The following SOX6 variants were observed in gnomAD, a reference collection of about 807,000 sequenced individuals.
The protein encoded by SOX6 is transcription factor SOX-6.
SOX6 carries 11 observed loss-of-function variants against 97.8 expected under a neutral mutation model. That is an observed-to-expected ratio of 0.11 (90% CI 0.07 to 0.19). SOX6 has a LOEUF of 0.19. Among genes scored for constraint, SOX6 ranks in the 10% least tolerant of loss-of-function variants. The pLI is 1.00. For synonymous variants in SOX6, 360 were observed against 371.4 expected, an observed-to-expected ratio of 0.97 and a Z score of 0.35; for missense variants, 810 against 1,039.5, an observed-to-expected ratio of 0.78 and a Z score of 3.04.
chr11:16,573,623 TG>T (rs1847957913), intron 4 of SOX6, among the ~76,000 whole-genome samples: 1 of 152,126 alleles, frequency 6.6e-6, no homozygotes, highest in Non-Finnish European at 1.5e-5. Flanking sequence ...CTATCAATAG[TG>T]GGGAAAAAAC....
chr11:16,100,647 G>A (rs769953097), intron 7 of SOX6, among the ~76,000 whole-genome samples: 1 of 151,176 alleles, frequency 6.6e-6, no homozygotes, highest in Non-Finnish European at 1.5e-5. Flanking sequence ...AAAACTTAAC[G>A]GCAGGAGAAG....
intron 3 of SOX6, among the ~76,000 whole-genome samples, chr11:16,670,446 A>G (rs1022975152): frequency 1.3e-5 from 2 of 152,174 alleles, no homozygotes; most frequent in Non-Finnish European, 2.9e-5. Context: ...GTAGCCCCCA[A>G]GAGCAACTGA....
intron 3 of SOX6, among the ~76,000 whole-genome samples, chr11:16,664,962 C>T (rs1847795921): frequency 6.6e-6 from 1 of 151,918 alleles, no homozygotes; most frequent in Non-Finnish European, 1.5e-5. Context: ...AAGGGAACCT[C>T]ATACCTTGAA....
intron 3 of SOX6, among the ~76,000 whole-genome samples, chr11:16,241,252 G>A (rs1853186576): frequency 1.3e-5 from 2 of 152,012 alleles, no homozygotes; most frequent in Non-Finnish European, 2.9e-5. Context: ...TCCAAGGTAA[G>A]TTTTATTTTC....
intron 1 of SOX6, among the ~76,000 whole-genome samples, chr11:16,466,256 T>C (rs888905232): frequency 6.6e-6 from 1 of 152,224 alleles, no homozygotes; most frequent in Non-Finnish European, 1.5e-5. Flanking sequence ...TAATCATTTT[T>C]ACCAATATTA....
intron 3 of SOX6, among the ~76,000 whole-genome samples, chr11:16,301,490 A>C (rs150082809): frequency 6.6e-6 from 1 of 152,290 alleles, no homozygotes; most frequent in East Asian, 1.9e-4. Context: ...CCCATCCCAG[A>C]GTTTTTGATT....
intron 1 of SOX6, among the ~76,000 whole-genome samples, chr11:16,366,536 A>G (rs574973614): frequency 1.3e-5 from 2 of 152,298 alleles, no homozygotes; most frequent in East Asian, 3.9e-4. Flanking sequence ...CTGCAAGCAA[A>G]TTGTAGAACA....
At chr11:16,546,903 C>T (rs1259784089) in intron 4 of SOX6, among the ~76,000 whole-genome samples, 2 of 151,922 alleles carry the variant, frequency 1.3e-5, no homozygotes, top group East Asian at 1.9e-4. Context: ...AGGAATTCAA[C>T]TGCAAAACCA....
In SOX6 at chr11:16,341,229, G is replaced by T; in HGVS notation, c.20C>A (p.Thr7Asn). 2 of 1,613,300 alleles carry T rather than the reference G, an allele frequency of 1.2e-6. No individual in the cohort carries two copies. The highest frequency in any genetic ancestry group is 4.5e-5 in the East Asian group (2 of 44,806). Reference sequence around the variant, plus strand: ...ATCAGCTGCACAGGCAAATGGAGAGGTGGCTTGCTTGGAAGACATTCTTCT... The same window carrying T: ...ATCAGCTGCACAGGCAAATGGAGAGTTGGCTTGCTTGGAAGACATTCTTCT... MSSKQA[T>N]SPFACAADGE... is the part of the protein sequence containing the mutation. The change falls in exon 2 of 16, where the codon ACC (threonine) becomes AAC (asparagine). Residue 7 changes from threonine to asparagine, a missense_variant. Physicochemically the swap from Thr to Asn is moderately conservative, Grantham distance 65 (BLOSUM62 0). Around this residue, in one of 9 missense-constraint regions of SOX6, gnomAD observed 100 missense variants for 94.6 expected, o/e 1.06. Coordinates refer to ENST00000683767, the MANE Select transcript of SOX6 (RefSeq NM_001367873.1).
At chr11:16,688,559 T>C (rs1214118027) in intron 3 of SOX6, among the ~76,000 whole-genome samples, 1 of 152,234 alleles carries the variant, frequency 6.6e-6, no homozygotes, top group African/African-American at 2.4e-5. Context: ...ACACTGTTCA[T>C]TCCATCCAGT....
chr11:16,707,021 A>G (rs1436146664), intron 3 of SOX6, among the ~76,000 whole-genome samples: 1 of 152,196 alleles, frequency 6.6e-6, no homozygotes, highest in Non-Finnish European at 1.5e-5. Context: ...ATCACTTTAA[A>G]TAAGCGAAAT....
intron 6 of SOX6, among the ~76,000 whole-genome samples, chr11:16,150,643 T>A (rs972987936): frequency 3.9e-5 from 6 of 152,200 alleles, no homozygotes; most frequent in African/African-American, 1.4e-4. Flanking sequence ...GCCACAGATT[T>A]GTTTTAACAA....
intron 9 of SOX6, among the ~76,000 whole-genome samples, chr11:16,057,303 G>T (rs1292467687): frequency 6.6e-6 from 1 of 152,018 alleles, no homozygotes; most frequent in Non-Finnish European, 1.5e-5. Flanking sequence ...ATTATTTTAT[G>T]AAGATAATAG....
intron 3 of SOX6, among the ~76,000 whole-genome samples, chr11:16,634,570 G>A (rs1325027958): frequency 7.2e-5 from 11 of 152,176 alleles, no homozygotes; most frequent in Admixed American, 4.6e-4. Flanking sequence ...TAGCTTACTA[G>A]GTTTTATTTA....
chr11:16,189,276 G>A (rs1354096024), intron 4 of SOX6, among the ~76,000 whole-genome samples: 1 of 152,144 alleles, frequency 6.6e-6, no homozygotes, highest in Non-Finnish European at 1.5e-5. Context: ...TTGGAGCATG[G>A]TTTGAAGGAG....
intron 6 of SOX6, among the ~76,000 whole-genome samples, chr11:16,132,809 A>C (rs550610307): frequency 6.6e-6 from 1 of 152,012 alleles, no homozygotes; most frequent in Non-Finnish European, 1.5e-5. Context: ...CACAAAATCC[A>C]CCAAGTACTG....
At chr11:16,175,037 G>A (rs890796921) in intron 6 of SOX6, among the ~76,000 whole-genome samples, 1 of 151,874 alleles carries the variant, frequency 6.6e-6, no homozygotes, top group African/African-American at 2.4e-5. Flanking sequence ...AAAAGCTCTC[G>A]TTTGGCAGCC....
At chr11:16,625,271 C>G (rs1057018630) in intron 3 of SOX6, among the ~76,000 whole-genome samples, 1 of 151,982 alleles carries the variant, frequency 6.6e-6, no homozygotes, top group Non-Finnish European at 1.5e-5. Context: ...ATAGTTTTAT[C>G]TTTCACATAA....
chr11:16,257,486 A>G (rs1402372879), intron 3 of SOX6, among the ~76,000 whole-genome samples: 2 of 151,936 alleles, frequency 1.3e-5, no homozygotes, highest in Admixed American at 1.3e-4. Flanking sequence ...AATGATGCTG[A>G]AAAAACTGGA....
Sources: gnomAD v4.1 joint callset for allele counts (sites outside exome capture counted in the v4.1 genomes callset) on GRCh38, gnomAD v4.1.1 for gene constraint, gnomAD v4.1.1 regional missense constraint, MANE v1.5 for transcripts, NCBI Gene and HGNC (gene_info 2026-07-23, HGNC 2026-07-21) for gene names.